Variants in UVRAG observed in about 807,000 individuals in gnomAD.
UVRAG encodes UV radiation resistance-associated gene protein.
Under a neutral mutation model 78.0 loss-of-function variants are expected in UVRAG, and 19 were observed. The ratio of observed to expected loss-of-function variants is 0.24; its 90% CI spans 0.17 to 0.36. The LOEUF (loss-of-function observed/expected upper bound fraction) is 0.36. UVRAG is among the 10% of genes least tolerant of loss of function. UVRAG has a pLI of 1.00. For missense variants in UVRAG, 740 were observed against 853.8 expected, an observed-to-expected ratio of 0.87 and a Z score of 1.66; for synonymous variants, 323 against 324.6, an observed-to-expected ratio of 1.00 and a Z score of 0.05.
At chr11:76,011,069 T>G (rs1050377850) in intron 11 of UVRAG, among the ~76,000 whole-genome samples, 1 of 152,214 alleles carries the variant, frequency 6.6e-6, no homozygotes, top group Non-Finnish European at 1.5e-5. Context: ...GATTCTATTT[T>G]GTTTTCTTTG....
intron 3 of UVRAG, among the ~76,000 whole-genome samples, chr11:75,879,344 C>T (rs1001993747): frequency 4.6e-5 from 7 of 152,178 alleles, no homozygotes; most frequent in African/African-American, 1.7e-4. Context: ...TTCCTCTTTG[C>T]CTGAAATTAC....
intron 4 of UVRAG, among the ~76,000 whole-genome samples, chr11:75,881,692 C>G (rs943478875): frequency 3.3e-5 from 5 of 152,228 alleles, no homozygotes; most frequent in Non-Finnish European, 5.9e-5. Flanking sequence ...ACTGGGATTA[C>G]AGGCATGAGC....
At chr11:75,820,562 C>G (rs775549086) in intron 1 of UVRAG, among the ~76,000 whole-genome samples, 20 of 152,014 alleles carry the variant, frequency 1.3e-4, no homozygotes, top group Non-Finnish European at 2.6e-4. Context: ...GCCATGTTGG[C>G]CAGGCTGGTC....
At chr11:76,020,610 A>G (rs1950227450) in intron 12 of UVRAG, among the ~76,000 whole-genome samples, 1 of 150,350 alleles carries the variant, frequency 6.7e-6, no homozygotes, top group African/African-American at 2.4e-5. Context: ...AAGATGCAAG[A>G]CAAAGTCTCC....
At chr11:75,937,261 C>G (rs1948391202) in intron 6 of UVRAG, among the ~76,000 whole-genome samples, 1 of 152,108 alleles carries the variant, frequency 6.6e-6, no homozygotes, top group South Asian at 2.1e-4. Context: ...CCAGATGAAC[C>G]TGAGAGGCAG....
At chr11:75,938,009 C>T (rs1948407669) in intron 6 of UVRAG, among the ~76,000 whole-genome samples, 1 of 151,978 alleles carries the variant, frequency 6.6e-6, no homozygotes, top group South Asian at 2.1e-4. Context: ...ATCAGGTTTA[C>T]TGTTTTTCTT....
At chr11:75,947,409 G>A (rs1948606591) in intron 6 of UVRAG, among the ~76,000 whole-genome samples, 1 of 152,106 alleles carries the variant, frequency 6.6e-6, no homozygotes, top group Non-Finnish European at 1.5e-5. Context: ...TTAGAATTCT[G>A]CCTACCCCAA....
chr11:76,076,482 A>G (rs1175851742), intron 13 of UVRAG, among the ~76,000 whole-genome samples: 1 of 152,198 alleles, frequency 6.6e-6, no homozygotes, highest in Non-Finnish European at 1.5e-5. Flanking sequence ...AGCACAGGAA[A>G]GACCTGCTCC....
At chr11:76,065,661 G>C in intron 12 of UVRAG, 49 bp from the exon 13 acceptor site, 1 of 1,566,604 alleles carries the variant, frequency 6.4e-7, no homozygotes. Context: ...CTTGGAGGTT[G>C]TATTTACTCA....
chr11:76,011,811 A>G (rs1950055854), intron 11 of UVRAG, among the ~76,000 whole-genome samples: 1 of 152,184 alleles, frequency 6.6e-6, no homozygotes, highest in South Asian at 2.1e-4. Flanking sequence ...TGTAATCAAG[A>G]CAGTCAGTAA....
intron 3 of UVRAG, 44 bp downstream of exon 3, chr11:75,861,824 C>T (rs767789495): frequency 2.7e-5 from 41 of 1,503,546 alleles, no homozygotes; most frequent in Non-Finnish European, 3.5e-5. Flanking sequence ...AGTATATACA[C>T]CTGTTTTCAG....
At chr11:75,958,197 T>C (rs542516417) in intron 6 of UVRAG, among the ~76,000 whole-genome samples, 21 of 152,310 alleles carry the variant, frequency 1.4e-4, no homozygotes, top group African/African-American at 5.1e-4. Flanking sequence ...ATTGTGACAA[T>C]TTCTTAAAAT....
At chr11:75,877,941 G>T (rs1946840056) in intron 3 of UVRAG, among the ~76,000 whole-genome samples, 1 of 150,692 alleles carries the variant, frequency 6.6e-6, no homozygotes, top group Non-Finnish European at 1.5e-5. Context: ...CCTGGACGGG[G>T]CGGCTGGCCT....
intron 1 of UVRAG, among the ~76,000 whole-genome samples, chr11:75,820,570 G>T (rs1259532917): frequency 6.6e-6 from 1 of 152,032 alleles, no homozygotes; most frequent in African/African-American, 2.4e-5. Context: ...GGCCAGGCTG[G>T]TCTTGAACTC....
intron 2 of UVRAG, among the ~76,000 whole-genome samples, chr11:75,861,201 A>C (rs1452566543): frequency 6.6e-6 from 1 of 152,226 alleles, no homozygotes; most frequent in East Asian, 1.9e-4. Flanking sequence ...TCTTAGAGCA[A>C]TAATGAGCCC....
intron 12 of UVRAG, among the ~76,000 whole-genome samples, chr11:76,045,806 CA>C (rs1318776843): frequency 2.0e-5 from 3 of 148,998 alleles, no homozygotes; most frequent in East Asian, 3.9e-4. Flanking sequence ...GCAGTGAGTA[CA>C]AAAAAGAAAC....
At chr11:76,093,272 A>C (rs550013074) in intron 13 of UVRAG, among the ~76,000 whole-genome samples, 2 of 152,302 alleles carry the variant, frequency 1.3e-5, no homozygotes, top group South Asian at 4.1e-4. Flanking sequence ...CTTGTAGTGT[A>C]GTTTGGAGTC....
intron 12 of UVRAG, among the ~76,000 whole-genome samples, chr11:76,046,179 A>AG (rs1950751444): frequency 6.6e-6 from 1 of 152,246 alleles, no homozygotes; most frequent in Non-Finnish European, 1.5e-5. Flanking sequence ...AGGGTAGAAA[A>AG]AAGACTTTTC....
chr11:76,118,088 T>A (rs1457651752), intron 14 of UVRAG, among the ~76,000 whole-genome samples: 1 of 152,242 alleles, frequency 6.6e-6, no homozygotes, highest in Non-Finnish European at 1.5e-5. Flanking sequence ...TCGCTTGCTT[T>A]TTTAAAACAT....
Sources: allele counts gnomAD v4.1 joint callset (sites outside exome capture counted in the v4.1 genomes callset), GRCh38; gene constraint gnomAD v4.1.1; transcripts MANE v1.5; gene names NCBI Gene and HGNC (gene_info 2026-07-23, HGNC 2026-07-21).